DOCK8: variants seen among roughly 807,000 people sequenced by gnomAD.
DOCK8 encodes the protein dedicator of cytokinesis 8.
Under a neutral mutation model 245.6 loss-of-function variants are expected in DOCK8, and 141 were observed. The observed-to-expected ratio is 0.57, with a 90% CI of 0.50 to 0.66. DOCK8 has a LOEUF of 0.66. DOCK8 is among the 30% of genes least tolerant of loss of function. The probability of loss-of-function intolerance (pLI) is 0.00; values close to 1 mark genes in which losing one functional copy is unlikely to be tolerated. For missense variants in DOCK8, 2,965 were observed against 2,603.4 expected (o/e 1.14, Z -3.02); for synonymous variants, 1,168 against 970.2 (o/e 1.20, Z -3.79).
intron 5 of DOCK8, among the ~76,000 whole-genome samples, chr9:310,232 A>T (rs1489681407): frequency 6.6e-6 from 1 of 151,104 alleles, no homozygotes; most frequent in Non-Finnish European, 1.5e-5. Context: ...GCGCCATTGC[A>T]CTCCAGCCTG....
intron 34 of DOCK8, 62 bp downstream of exon 34, chr9:427,043 C>G: frequency 7.2e-6 from 10 of 1,382,538 alleles, no homozygotes; most frequent in Non-Finnish European, 1.0e-5. Context: ...AGAATAAGGA[C>G]TTCTTTATGC....
At chr9:348,045 G>A (rs908957906) in intron 14 of DOCK8, among the ~76,000 whole-genome samples, 1 of 152,070 alleles carries the variant, frequency 6.6e-6, no homozygotes, top group African/African-American at 2.4e-5. Flanking sequence ...AGCATCCTCC[G>A]AGATCACTGT....
At chr9:298,222 C>G (rs370960601) in intron 4 of DOCK8, among the ~76,000 whole-genome samples, 29 of 152,044 alleles carry the variant, frequency 1.9e-4, no homozygotes, top group African/African-American at 6.5e-4. Context: ...GTCAGGAGTT[C>G]GAGACCAGCC....
At chr9:335,995 C>A (rs114702765) in intron 11 of DOCK8, among the ~76,000 whole-genome samples, 2,040 of 152,246 alleles carry the variant, frequency 0.013, 46 homozygotes, top group African/African-American at 0.047. Flanking sequence ...TAAGAAACAA[C>A]TGGGCAAACT....
intron 10 of DOCK8, among the ~76,000 whole-genome samples, chr9:333,389 C>A (rs971443475): frequency 6.6e-6 from 1 of 152,190 alleles, no homozygotes; most frequent in Admixed American, 6.5e-5. Context: ...ATCATGAGGT[C>A]AGAAGATTGA....
chr9:406,812 T>G, intron 27 of DOCK8, 118 bp from the exon 28 acceptor site: 1 of 1,311,962 alleles, frequency 7.6e-7, no homozygotes, highest in Non-Finnish European at 1.1e-6. Context: ...CCAGAGTACC[T>G]ACCTCACTGG....
At chr9:289,981 C>T (rs1240421352) in intron 4 of DOCK8, among the ~76,000 whole-genome samples, 1 of 152,216 alleles carries the variant, frequency 6.6e-6, no homozygotes, top group Non-Finnish European at 1.5e-5. Flanking sequence ...TTCATCCTCC[C>T]TCCCTGGCAA....
Position 382,655 on chromosome 9 carries a change from CGAG to C in DOCK8, c.2751_2753del (p.Glu918del). The C allele has an allele frequency of 6.2e-7, 1 of 1,614,108 alleles. No homozygotes were observed. The stretch of plus-strand genomic sequence containing the variant: ...TCGCGGGGACACACTCCGCAGCAGA[CGAG>C]GAAGTGAAGAACATCATGTCTTCAA... On this transcript the variant is annotated inframe_deletion, in exon 22 of 48. Coordinates refer to ENST00000432829, the MANE Select transcript of DOCK8 (RefSeq NM_203447.4).
chr9:453,752 G>A (rs1024560344), intron 46 of DOCK8, among the ~76,000 whole-genome samples: 4 of 152,100 alleles, frequency 2.6e-5, no homozygotes, highest in Admixed American at 6.5e-5. Context: ...TGTGGAGACA[G>A]GGTCTCACTA....
At chr9:289,258 A>G (rs1472815030) in intron 3 of DOCK8, among the ~76,000 whole-genome samples, 1 of 152,212 alleles carries the variant, frequency 6.6e-6, no homozygotes, top group East Asian at 1.9e-4. Context: ...GGGGATAGTT[A>G]TAATTTAACA....
chr9:323,472 C>T (rs1471318695), intron 7 of DOCK8, among the ~76,000 whole-genome samples: 4 of 152,018 alleles, frequency 2.6e-5, no homozygotes, highest in South Asian at 2.1e-4. Context: ...CCGCTTGCCT[C>T]GGCCTCCCAA....
intron 18 of DOCK8, among the ~76,000 whole-genome samples, chr9:373,889 C>G (rs1429214617): frequency 1.3e-5 from 2 of 152,172 alleles, no homozygotes; most frequent in Non-Finnish European, 1.5e-5. Context: ...TTCTTATCAT[C>G]AAGTTGCACA....
intron 26 of DOCK8, among the ~76,000 whole-genome samples, chr9:403,921 T>TAGTTTAAAAAACAA (rs2055258344): frequency 2.5e-5 from 2 of 79,282 alleles, no homozygotes; most frequent in Non-Finnish European, 2.1e-5. Context: ...TATATACATA[T>TAGTTTAAAAAACAA]ATATATATGT....
At chr9:384,748 C>G (rs998530035) in intron 22 of DOCK8, among the ~76,000 whole-genome samples, 5 of 152,046 alleles carry the variant, frequency 3.3e-5, no homozygotes, top group African/African-American at 1.2e-4. Context: ...AACCCCGTCT[C>G]TACTAAAAAT....
At chr9:427,341 C>A (rs1328499259) in intron 34 of DOCK8, among the ~76,000 whole-genome samples, 1 of 152,050 alleles carries the variant, frequency 6.6e-6, no homozygotes, top group African/African-American at 2.4e-5. Flanking sequence ...TGGGTCAACT[C>A]CAGTTGAATG....
rs1411769312 is a variant in DOCK8 at position 463,403 on chromosome 9, C to T, written c.6069-114C>T. 2.3e-6 allele frequency: 3 copies of T among 1,286,064 alleles called. No homozygotes were observed. In the South Asian group the frequency reaches 3.9e-5, roughly 17 times the overall value. The allele number at this position is 1,286,064 out of a possible 1,614,324, so 79.7% of individuals were successfully genotyped here. ...CCACAGGTGATCCCGATATGCCACC[C>T]AGTTTGAAAACGTTCTTAAAGTTAT... is the stretch of plus-strand genomic sequence containing the variant. On this transcript the variant is annotated intron_variant, in intron 46 of 47. Coordinates refer to ENST00000432829, the MANE Select transcript of DOCK8 (RefSeq NM_203447.4).
At chr9:446,804 G>A (rs578233863) in intron 44 of DOCK8, among the ~76,000 whole-genome samples, 198 bp downstream of exon 44, 1 of 151,914 alleles carries the variant, frequency 6.6e-6, no homozygotes, top group African/African-American at 2.4e-5. Context: ...TAGCACTATT[G>A]TATATTAAAT....
intron 14 of DOCK8, among the ~76,000 whole-genome samples, chr9:355,596 G>A (rs2052399420): frequency 6.6e-6 from 1 of 152,164 alleles, no homozygotes; most frequent in African/African-American, 2.4e-5. Flanking sequence ...AAGGTGTGGA[G>A]TCCCTTACTA....
At chr9:400,000 A>C (rs1300124159) in intron 26 of DOCK8, among the ~76,000 whole-genome samples, 1 of 105,760 alleles carries the variant, frequency 9.5e-6, no homozygotes, top group Non-Finnish European at 2.0e-5. Flanking sequence ...CACCACCTCC[A>C]CCACCTCCAC....
Sources: gnomAD v4.1 joint callset for allele counts (sites outside exome capture counted in the v4.1 genomes callset) on GRCh38, gnomAD v4.1.1 for gene constraint, MANE v1.5 for transcripts, NCBI Gene and HGNC (gene_info 2026-07-23, HGNC 2026-07-21) for gene names.